VDR: variants seen among roughly 807,000 people sequenced by gnomAD.
The protein encoded by VDR is vitamin D receptor, also known as vitamin D3 receptor.
Under a neutral mutation model 39.7 loss-of-function variants are expected in VDR, and 19 were observed. The ratio of observed to expected loss-of-function variants is 0.48; its 90% CI spans 0.33 to 0.70. VDR has a LOEUF of 0.70. Among genes scored for constraint, VDR ranks in the 30% least tolerant of loss-of-function variants. The probability of loss-of-function intolerance (pLI) is 0.02; values close to 1 mark genes in which losing one functional copy is unlikely to be tolerated. For missense variants in VDR, 442 were observed against 570.5 expected (o/e 0.77, Z 2.29); for synonymous variants, 242 against 215.8 (o/e 1.12, Z -1.07).
chr12:47,903,049 G>A (rs1282375629), intron 1 of VDR, among the ~76,000 whole-genome samples: 1 of 152,226 alleles, frequency 6.6e-6, no homozygotes, highest in African/African-American at 2.4e-5. Flanking sequence ...ACCCCAAACA[G>A]CACCCGACCT....
chr12:47,858,276 CAT>C (rs1279826097), intron 4 of VDR, among the ~76,000 whole-genome samples: 1 of 152,218 alleles, frequency 6.6e-6, no homozygotes, highest in African/African-American at 2.4e-5. Flanking sequence ...CCAGAGCTCT[CAT>C]AGCGCTGGAA....
intron 3 of VDR, among the ~76,000 whole-genome samples, chr12:47,877,263 CT>C (rs1946027281): frequency 6.6e-6 from 1 of 152,108 alleles, no homozygotes; most frequent in Non-Finnish European, 1.5e-5. Flanking sequence ...AGGAAAGTGG[CT>C]GGCTGGCTGG....
intron 1 of VDR, chr12:47,898,266 C>G (rs1946498209): frequency 6.6e-6 from 1 of 152,140 alleles, no homozygotes; most frequent in Admixed American, 6.5e-5. Context: ...AATTGGGTCC[C>G]TAGGTCATGA....
At chr12:47,862,340 C>T (rs114721725) in intron 4 of VDR, among the ~76,000 whole-genome samples, 1,780 of 152,244 alleles carry the variant, frequency 0.012, 37 homozygotes, top group African/African-American at 0.04. Context: ...ACTGGGGCCA[C>T]GAGAGGCTGC....
intron 1 of VDR, among the ~76,000 whole-genome samples, chr12:47,889,116 C>T (rs1283711431): frequency 6.6e-6 from 1 of 151,986 alleles, no homozygotes; most frequent in African/African-American, 2.4e-5. Context: ...TCCCTTACTG[C>T]GTGGCCTTGG....
intron 2 of VDR, among the ~76,000 whole-genome samples, chr12:47,882,367 G>A (rs1230261967): frequency 6.6e-6 from 1 of 152,168 alleles, no homozygotes. Context: ...AAAGTCCCAG[G>A]AATGACAGGC....
chr12:47,869,397 G>A (rs1945804338), intron 3 of VDR, among the ~76,000 whole-genome samples: 1 of 152,052 alleles, frequency 6.6e-6, no homozygotes, highest in African/African-American at 2.4e-5. Context: ...TTAGCCGGGC[G>A]TGTTGGCGGG....
chr12:47,897,734 C>T (rs919040949), intron 1 of VDR, among the ~76,000 whole-genome samples: 1 of 152,188 alleles, frequency 6.6e-6, no homozygotes, highest in Admixed American at 6.5e-5. Flanking sequence ...TCCCTCCACT[C>T]CAATCCTCCA....
At chr12:47,855,004 C>T (rs1945453283) in intron 7 of VDR, among the ~76,000 whole-genome samples, 1 of 151,912 alleles carries the variant, frequency 6.6e-6, no homozygotes, top group Admixed American at 6.6e-5. Context: ...ACAAGCCTGG[C>T]CAACATGGCG....
intron 4 of VDR, among the ~76,000 whole-genome samples, chr12:47,858,074 G>A (rs1447874241): frequency 6.6e-6 from 1 of 151,316 alleles, no homozygotes; most frequent in Non-Finnish European, 1.5e-5. Context: ...TCCATAAAGT[G>A]TGTGTGTGTG....
rs1446109768 is a variant in VDR, at chr12:47,844,196, C to T, written c.*550G>A. ...GGTGCTCCAGTGATGGGAAGAAAAC[C>T]CACCTCACCACAGCTACTGCCCGTG... is the stretch of plus-strand genomic sequence containing the variant. On this transcript the variant is annotated 3_prime_UTR_variant, in exon 10 of 10. Transcript: ENST00000549336. 5.8e-6 allele frequency: 1 copy of T among 171,468 alleles called. No individual in the cohort carries two copies. Among genetic ancestry groups the T allele is most frequent in the Admixed American group, 5.5e-5 (1 of 18,060 alleles). The allele number at this position is 171,468 out of a possible 1,614,324, so 10.6% of individuals were successfully genotyped here. A position where few individuals can be genotyped will look rare whatever the true frequency, so the allele number is the denominator to read the frequency against.
intron 1 of VDR, chr12:47,896,934 C>A (rs545040781): frequency 6.6e-6 from 1 of 152,294 alleles, no homozygotes; most frequent in Admixed American, 6.5e-5. Context: ...GGAACTGCCC[C>A]ATTCACCCTC....
chr12:47,901,103 C>G (rs553685636), intron 1 of VDR: 3 of 155,030 alleles, frequency 1.9e-5, no homozygotes, highest in South Asian at 2.0e-4. Context: ...CCACCTACCC[C>G]CCTTGCCCAC....
intron 3 of VDR, among the ~76,000 whole-genome samples, chr12:47,870,272 G>A (rs1179080262): frequency 1.3e-5 from 2 of 152,214 alleles, no homozygotes; most frequent in Non-Finnish European, 2.9e-5. Context: ...AGGGCAGCCA[G>A]ACTGCCCAAC....
At chr12:47,896,986 G>A (rs1193604424) in intron 1 of VDR, 1 of 152,318 alleles carries the variant, frequency 6.6e-6, no homozygotes, top group Non-Finnish European at 1.5e-5. Flanking sequence ...TAGACAGGAA[G>A]GGGAGGAGGG....
chr12:47,879,964 A>G (rs1946110929), intron 2 of VDR, among the ~76,000 whole-genome samples: 1 of 152,144 alleles, frequency 6.6e-6, no homozygotes, highest in Non-Finnish European at 1.5e-5. Context: ...CCTTCTCAGG[A>G]AGCAGCTGGC....
rs535430200 is a variant in VDR, at chr12:47,849,889, C to T, written c.756-3081G>A. Among the ~76,000 whole-genome samples the T allele has an allele frequency of 3.4e-4, 52 of 151,754 alleles. 1 individual carries two copies. In the South Asian group the frequency reaches 0.01, roughly 30 times the overall value. On this transcript the variant is annotated intron_variant, in intron 7 of 9. Transcript: ENST00000549336. Reference sequence around the variant, plus strand: ...TTTTTTTGAGACAGTCTTGCTCTGTCACCCAGGCTGGAGTGCAGTGGTGCA... The same window carrying T: ...TTTTTTTGAGACAGTCTTGCTCTGTTACCCAGGCTGGAGTGCAGTGGTGCA...
At chr12:47,904,432 G>A (rs1467168768) in intron 1 of VDR, 15 of 647,236 alleles carry the variant, frequency 2.3e-5, no homozygotes, top group Non-Finnish European at 3.5e-5. Context: ...GGCCAATTAG[G>A]TCTAAACTCA....
intron 1 of VDR, among the ~76,000 whole-genome samples, chr12:47,884,700 A>T (rs1018786945): frequency 6.6e-6 from 1 of 152,094 alleles, no homozygotes; most frequent in Admixed American, 6.6e-5. Flanking sequence ...TGCAACCCTA[A>T]GCCGTGGACA....
Sources: gnomAD v4.1 joint callset for allele counts (sites outside exome capture counted in the v4.1 genomes callset) on GRCh38, gnomAD v4.1.1 for gene constraint, MANE v1.5 for transcripts, NCBI Gene and HGNC (gene_info 2026-07-23, HGNC 2026-07-21) for gene names.